SPATA1: variants seen among roughly 807,000 people sequenced by gnomAD.
SPATA1 encodes spermatogenesis associated 1.
In SPATA1, 57 loss-of-function variants were observed where a neutral mutation model predicts 59.6. That is an observed-to-expected ratio of 0.96 (90% CI 0.77 to 1.19). The LOEUF (loss-of-function observed/expected upper bound fraction) is 1.19, where lower values mean the gene tolerates loss of function less well. SPATA1 is among the 50% of genes most tolerant of loss of function. SPATA1 has a pLI of 0.00. For synonymous variants in SPATA1, 147 were observed against 163.9 expected, an observed-to-expected ratio of 0.90 and a Z score of 0.79; for missense variants, 448 against 480.7, an observed-to-expected ratio of 0.93 and a Z score of 0.64.
rs762517101 is a variant in SPATA1, at chr1:84,516,391, C to G, written c.32C>G (p.Ser11Ter). The change falls in exon 2 of 13, where the codon TCA (serine) becomes TGA (stop). Residue 11 changes from serine to a stop codon, truncating the protein, a stop_gained. Coordinates refer to ENST00000490879, the Ensembl canonical transcript of SPATA1. LOFTEE classifies it high-confidence loss of function. Reference sequence around the variant, plus strand: ...CTCAATCCAAGTCGACCTTCCTCATCAGAGGTAAGAAAATCTTTTTATACT... The same window carrying G: ...CTCAATCCAAGTCGACCTTCCTCATGAGAGGTAAGAAAATCTTTTTATACT... 11 of 1,486,508 alleles carry G rather than the reference C, an allele frequency of 7.4e-6. No homozygotes were observed. In the South Asian group the frequency reaches 1.5e-4, roughly 20 times the overall value. 92.1% of individuals were successfully genotyped at this position (1,486,508 alleles called of 1,614,324 possible).
chr1:84,514,380 C>T (rs559840852), intron 1 of SPATA1, among the ~76,000 whole-genome samples: 2 of 152,162 alleles, frequency 1.3e-5, no homozygotes, highest in Non-Finnish European at 2.9e-5. Context: ...TTGAGTATTC[C>T]TTATCCAAAA....
chr1:84,558,680 CACT>C (rs1215110782), downstream of SPATA1, among the ~76,000 whole-genome samples: 16 of 151,348 alleles, frequency 1.1e-4, no homozygotes, highest in African/African-American at 3.6e-4. Flanking sequence ...GTGGGAGAAT[CACT>C]TGAGGCCAGG....
rs375021092 is a variant in SPATA1 at position 84,532,825 on chromosome 1, G to C, written c.545-35G>C. On this transcript the variant is annotated intron_variant, in intron 6 of 12. Coordinates refer to ENST00000490879, the Ensembl canonical transcript of SPATA1. ...TATTTTACTATTTTCCTAACATTCTGAACTTTATTTGCTGTGGATGACCAT... is the reference window on the plus strand; with the variant it reads ...TATTTTACTATTTTCCTAACATTCTCAACTTTATTTGCTGTGGATGACCAT... 7.2e-6 allele frequency: 10 copies of C among 1,383,116 alleles called. No homozygotes were observed. The African/African-American group carries it at 1.2e-4, about 16-fold the overall frequency. The allele number at this position is 1,383,116 out of a possible 1,614,324, so 85.7% of individuals were successfully genotyped here. A position where few individuals can be genotyped will look rare whatever the true frequency, so the allele number is the denominator to read the frequency against.
downstream of SPATA1, among the ~76,000 whole-genome samples, chr1:84,566,652 G>A (rs1230315566): frequency 1.3e-5 from 2 of 152,034 alleles, no homozygotes; most frequent in Non-Finnish European, 2.9e-5. Flanking sequence ...TTTTTGGGGG[G>A]GATGGAGTCT....
exon 4 of SPATA1, chr1:84,522,438 G>A (rs142236880): frequency 1.9e-6 from 3 of 1,539,318 alleles, no homozygotes; most frequent in Non-Finnish European, 1.8e-6. Flanking sequence ...GTCTTGGTGA[G>A]TTCCTGGGTG....
chr1:84,517,293 C>A (rs11163993), intron 2 of SPATA1, among the ~76,000 whole-genome samples: 30,879 of 151,970 alleles, frequency 0.2, 4,524 homozygotes, highest in African/African-American at 0.41. Flanking sequence ...TTAATTTTGG[C>A]ATACATCAGG....
At chr1:84,518,714 ATC>A (rs927121958) in intron 2 of SPATA1, among the ~76,000 whole-genome samples, 1 of 151,404 alleles carries the variant, frequency 6.6e-6, no homozygotes, top group Non-Finnish European at 1.5e-5. Context: ...CCTTTATTTT[ATC>A]TCTTTCTGGA....
intron 4 of SPATA1, among the ~76,000 whole-genome samples, chr1:84,559,670 C>A (rs949017396): frequency 6.6e-6 from 1 of 152,006 alleles, no homozygotes. Flanking sequence ...AATAACCTTA[C>A]AATGGGAATT....
chr1:84,515,200 A>G (rs560691785), intron 1 of SPATA1, among the ~76,000 whole-genome samples: 1 of 152,256 alleles, frequency 6.6e-6, no homozygotes, highest in Admixed American at 6.5e-5. Context: ...ACAATGGCAT[A>G]CAGAGTTTTT....
In SPATA1 at chr1:84,522,501, A is replaced by T. The variant is rs543777456; in HGVS notation, c.255A>T (p.Leu85Phe). The stretch of plus-strand genomic sequence containing the variant: ...TTCTGAAATGCATTGGAAATAATTT[A>T]GCTGTGGTAAGTTTTCTTTTTTTTT... The change falls in exon 4 of 13, where the codon TTA becomes TTT. Residue 85 changes from leucine to phenylalanine, a missense_variant. By Grantham distance (22) the Leu-to-Phe change is conservative. Coordinates refer to ENST00000490879, the Ensembl canonical transcript of SPATA1. 20 of 1,508,100 alleles carry T rather than the reference A, an allele frequency of 1.3e-5. No homozygotes were observed. The South Asian group carries it at 2.7e-4, about 20-fold the overall frequency. 93.4% of individuals were successfully genotyped at this position (1,508,100 alleles called of 1,614,324 possible).
chr1:84,509,629 A>G (rs1049308311), intron 1 of SPATA1, among the ~76,000 whole-genome samples: 35 of 152,308 alleles, frequency 2.3e-4, no homozygotes, highest in African/African-American at 8.2e-4. Context: ...AGCTGGGCGT[A>G]GTGGCACATG....
chr1:84,563,166 C>CTGAT, intron 4 of SPATA1: 1 of 910,274 alleles, frequency 1.1e-6, no homozygotes, highest in Non-Finnish European at 1.5e-6. Context: ...TAAAAGAAAA[C>CTGAT]TGATAGAAAT....
chr1:84,529,350 CTCAGAG>C (rs973640135), intron 6 of SPATA1, among the ~76,000 whole-genome samples: 2 of 151,534 alleles, frequency 1.3e-5, no homozygotes, highest in Non-Finnish European at 2.9e-5. Context: ...TTGCTACTTA[CTCAGAG>C]TCAAACACAG....
downstream of SPATA1, among the ~76,000 whole-genome samples, chr1:84,559,427 C>A (rs1458738434): frequency 6.6e-6 from 1 of 152,018 alleles, no homozygotes; most frequent in Non-Finnish European, 1.5e-5. Flanking sequence ...TTCAAACCAG[C>A]CTGGCCAACA....
chr1:84,555,196 G>A (rs1264541632), downstream of SPATA1: 26 of 1,607,434 alleles, frequency 1.6e-5, no homozygotes, highest in African/African-American at 4.0e-5. Flanking sequence ...TGGCCAGCAG[G>A]ATCCTATATA....
rs767275662 is a variant in SPATA1, at chr1:84,533,755, C to T, written c.706C>T (p.Gln236Ter). 1.6e-5 allele frequency: 25 copies of T among 1,559,948 alleles called. No individual in the cohort carries two copies. Among genetic ancestry groups the T allele is most frequent in the Non-Finnish European group, 2.1e-5 (24 of 1,150,266 alleles). The stretch of plus-strand genomic sequence containing the variant: ...AGATGATACAGCTATCAGTAGAAGA[C>T]AGGACAATCAGGTACTATTTAAAAT... Residue 236 changes from glutamine (Q) to a stop codon, truncating the protein, a stop_gained, in exon 8 of 13, where the codon CAG (glutamine) becomes TAG (stop). Transcript: ENST00000490879. LOFTEE classifies it high-confidence loss of function.
intron 1 of SPATA1, among the ~76,000 whole-genome samples, chr1:84,512,310 G>A (rs1245808733): frequency 6.6e-6 from 1 of 152,160 alleles, no homozygotes; most frequent in Non-Finnish European, 1.5e-5. Flanking sequence ...AAGAGTTCAA[G>A]TCACTTACCA....
intron 1 of SPATA1, among the ~76,000 whole-genome samples, chr1:84,509,642 T>C (rs527468839): frequency 2.8e-4 from 43 of 152,332 alleles, no homozygotes; most frequent in African/African-American, 1.0e-3. Context: ...GGCACATGCC[T>C]GTAGTCGCAG....
At chr1:84,542,914 GA>G (rs1308220874) in intron 8 of SPATA1, among the ~76,000 whole-genome samples, 1 of 152,098 alleles carries the variant, frequency 6.6e-6, no homozygotes, top group African/African-American at 2.4e-5. Context: ...TGAAAACACA[GA>G]TAGAACTCAA....
Sources: allele counts gnomAD v4.1 joint callset (sites outside exome capture counted in the v4.1 genomes callset), GRCh38; gene constraint gnomAD v4.1.1; transcripts MANE v1.5; gene names NCBI Gene and HGNC (gene_info 2026-07-23, HGNC 2026-07-21).